TCF4: variants seen among roughly 807,000 people sequenced by gnomAD.
TCF4 encodes transcription factor 4.
In TCF4, 3 loss-of-function variants were observed where a neutral mutation model predicts 82.1. That is an observed-to-expected ratio of 0.04 (90% CI 0.02 to 0.09). TCF4 has a LOEUF of 0.09. Among genes scored for constraint, TCF4 ranks in the 10% least tolerant of loss-of-function variants. The pLI is 1.00. For synonymous variants in TCF4, 276 were observed against 309.6 expected (o/e 0.89, Z 1.14); for missense variants, 518 against 852.7 (o/e 0.61, Z 4.89).
At position 55,468,022 on chromosome 18, in the gene TCF4, C is replaced by T. The variant is rs527888445; in HGVS notation, c.146-3885G>A. Among the ~76,000 whole-genome samples, 6 of 152,302 alleles carry T rather than the reference C, an allele frequency of 3.9e-5. No homozygotes were observed. The South Asian group carries it at 1.2e-3, about 32-fold the overall frequency. On this transcript the variant is annotated intron_variant, in intron 3 of 19. Transcript: ENST00000354452. ...TCTGCCCACTGCTGTAAAGACTCCC[C>T]AGTAAGAATGTCACATCTCTGTCTA... is the stretch of plus-strand genomic sequence containing the variant.
At chr18:55,455,800 T>G (rs896686) in intron 5 of TCF4, among the ~76,000 whole-genome samples, 17,601 of 152,262 alleles carry the variant, frequency 0.12, 1,364 homozygotes, top group Non-Finnish European at 0.17. Context: ...TATCTAACCA[T>G]GAAGTCAGGT....
intron 3 of TCF4, among the ~76,000 whole-genome samples, chr18:55,505,799 G>A (rs1194561760): frequency 2.2e-5 from 2 of 90,522 alleles, no homozygotes; most frequent in East Asian, 5.4e-4. Flanking sequence ...GCGAGACTCC[G>A]TCTCAAAAAA....
chr18:55,229,546 G>A (rs1001234700), intron 17 of TCF4: 1 of 170,386 alleles, frequency 5.9e-6, no homozygotes, highest in Non-Finnish European at 1.3e-5. Flanking sequence ...GGGGAAACAA[G>A]TAATTGAAAA....
At chr18:55,366,786 G>A (rs1018701347) in intron 6 of TCF4, among the ~76,000 whole-genome samples, 7 of 151,986 alleles carry the variant, frequency 4.6e-5, no homozygotes, top group Non-Finnish European at 1.0e-4. Context: ...TTTGCCATAG[G>A]GTCATTTTTT....
At chr18:55,554,379 A>T (rs1441280018) in intron 3 of TCF4, among the ~76,000 whole-genome samples, 1 of 152,124 alleles carries the variant, frequency 6.6e-6, no homozygotes. Context: ...TTAATAAAAC[A>T]CTAGTTTTAT....
At chr18:55,352,669 T>G (rs1364896021) in intron 6 of TCF4, among the ~76,000 whole-genome samples, 2 of 152,152 alleles carry the variant, frequency 1.3e-5, no homozygotes, top group African/African-American at 4.8e-5. Context: ...ATGAGACATA[T>G]TAAAACACTA....
At chr18:55,401,138 G>C in intron 6 of TCF4, 1 of 1,286,452 alleles carries the variant, frequency 7.8e-7, no homozygotes, top group Non-Finnish European at 1.0e-6. Context: ...TACGGCACAA[G>C]AGAAACTGAT....
intron 15 of TCF4, among the ~76,000 whole-genome samples, chr18:55,242,572 A>G (rs1482055835): frequency 1.3e-5 from 2 of 152,176 alleles, no homozygotes; most frequent in Non-Finnish European, 2.9e-5. Flanking sequence ...GGGCATTTGC[A>G]AGGAAAAATA....
rs1480761927 is a variant in TCF4, at chr18:55,626,555, G to T, written c.286+4743C>A. ...ACTTGACATATAAAAATTCAAACGT[G>T]TATGAAACTTCAGGAAAGTTAGCAT... On this transcript the variant is annotated intron_variant, in intron 2 of 20. Coordinates refer to the TCF4 transcript ENST00000398339. Among the ~76,000 whole-genome samples the T allele has an allele frequency of 2.0e-5, 3 of 152,156 alleles. No homozygotes were observed. In the East Asian group the frequency reaches 5.8e-4, roughly 29 times the overall value.
At chr18:55,512,090 G>A (rs1310134715) in intron 3 of TCF4, among the ~76,000 whole-genome samples, 5 of 152,050 alleles carry the variant, frequency 3.3e-5, no homozygotes, top group African/African-American at 7.2e-5. Flanking sequence ...CGACTACCAC[G>A]TTAATAAGAT....
At position 55,225,667 on chromosome 18, in the gene TCF4, G is replaced by A. The variant is rs561515792; in HGVS notation, c.*2368C>T. 2 of 152,634 alleles carry A rather than the reference G, an allele frequency of 1.3e-5. No individual in the cohort carries two copies. Among genetic ancestry groups the A allele is most frequent in the East Asian group, 1.9e-4 (1 of 5,186 alleles). The allele number at this position is 152,634 out of a possible 1,614,324, so 9.5% of individuals were successfully genotyped here. ...GGTTTTCATTATTCAGGGAGGAGGA[G>A]AGAGTATACATTATTGTCTTCCATG... is the stretch of plus-strand genomic sequence containing the variant. On this transcript the variant is annotated 3_prime_UTR_variant, in exon 20 of 20. Coordinates refer to ENST00000354452, the MANE Select transcript of TCF4 (RefSeq NM_001083962.2).
intron 10 of TCF4, among the ~76,000 whole-genome samples, chr18:55,273,198 T>G (rs1042751069): frequency 6.6e-6 from 1 of 152,182 alleles, no homozygotes; most frequent in Admixed American, 6.6e-5. Context: ...CATCAGTAAC[T>G]TGACAGTCGC....
intron 3 of TCF4, among the ~76,000 whole-genome samples, chr18:55,579,890 T>C (rs1406725898): frequency 6.6e-6 from 1 of 152,056 alleles, no homozygotes; most frequent in Non-Finnish European, 1.5e-5. Flanking sequence ...AACAAAACTG[T>C]TTATATGACA....
chr18:55,326,414 A>G (rs1255731429), intron 8 of TCF4, among the ~76,000 whole-genome samples: 9 of 150,780 alleles, frequency 6.0e-5, no homozygotes, highest in Admixed American at 5.3e-4. Flanking sequence ...AAAAAAAAAA[A>G]AAAAAAAAAA....
At chr18:55,264,610 T>G (rs1432529662) in intron 11 of TCF4, 4 of 151,842 alleles carry the variant, frequency 2.6e-5, no homozygotes, top group African/African-American at 9.7e-5. Flanking sequence ...TTTTTTGCAT[T>G]GAGAAGTGGG....
intron 3 of TCF4, 132 bp downstream of exon 3, chr18:55,585,148 G>T: frequency 1.2e-6 from 1 of 805,144 alleles, no homozygotes. Flanking sequence ...GATGGGTAAT[G>T]CAATAACCGT....
chr18:55,365,191 A>ATATATATATATGTGTGTGTG (rs1361444592), intron 6 of TCF4, among the ~76,000 whole-genome samples: 34 of 97,934 alleles, frequency 3.5e-4, no homozygotes, highest in African/African-American at 1.7e-3. Flanking sequence ...ATATATATAT[A>ATATATATATATGTGTGTGTG]TGTGTGTGTG....
intron 3 of TCF4, among the ~76,000 whole-genome samples, chr18:55,532,663 C>A (rs2097077019): frequency 6.6e-6 from 1 of 152,182 alleles, no homozygotes; most frequent in Admixed American, 6.5e-5. Context: ...AAAGGATGGT[C>A]CCATCAAAGG....
intron 3 of TCF4, among the ~76,000 whole-genome samples, chr18:55,547,542 G>A (rs1489843222): frequency 6.6e-6 from 1 of 152,202 alleles, no homozygotes; most frequent in Admixed American, 6.5e-5. Flanking sequence ...TGTGAAGAGT[G>A]TAAGGATCAA....
Sources: allele counts gnomAD v4.1 joint callset (sites outside exome capture counted in the v4.1 genomes callset), GRCh38; gene constraint gnomAD v4.1.1; transcripts MANE v1.5; gene names NCBI Gene and HGNC (gene_info 2026-07-23, HGNC 2026-07-21).